Variants in SLIT3 observed in about 807,000 individuals in gnomAD.
SLIT3 encodes slit homolog 3 protein.
SLIT3 carries 68 observed loss-of-function variants against 184.0 expected under a neutral mutation model. That is an observed-to-expected ratio of 0.37 (90% CI 0.30 to 0.45). The LOEUF (loss-of-function observed/expected upper bound fraction) is 0.45, where lower values mean the gene tolerates loss of function less well. Among genes scored for constraint, SLIT3 ranks in the 20% least tolerant of loss-of-function variants. SLIT3 has a pLI of 1.00. For synonymous variants in SLIT3, 831 were observed against 828.6 expected, an observed-to-expected ratio of 1.00 and a Z score of -0.05; for missense variants, 1,707 against 2,026.0, an observed-to-expected ratio of 0.84 and a Z score of 3.02.
intron 4 of SLIT3, among the ~76,000 whole-genome samples, chr5:169,078,086 G>A (rs1758816912): frequency 6.6e-6 from 1 of 152,046 alleles, no homozygotes; most frequent in African/African-American, 2.4e-5. Flanking sequence ...GGGGCCTTGT[G>A]TTCATTTTGC....
chr5:168,769,339 C>T (rs1009156575), intron 14 of SLIT3, among the ~76,000 whole-genome samples: 1 of 152,184 alleles, frequency 6.6e-6, no homozygotes, highest in South Asian at 2.1e-4. Context: ...GAAACTGGAG[C>T]TAAGGCTAAG....
At chr5:168,667,155 C>A (rs1180211060) in intron 35 of SLIT3, among the ~76,000 whole-genome samples, 2 of 152,184 alleles carry the variant, frequency 1.3e-5, no homozygotes, top group Non-Finnish European at 2.9e-5. Context: ...AGCCTGCAAC[C>A]CTGCACTGCA....
At chr5:168,669,313 G>A (rs573527185) in intron 35 of SLIT3, among the ~76,000 whole-genome samples, 4 of 152,204 alleles carry the variant, frequency 2.6e-5, no homozygotes, top group Non-Finnish European at 5.9e-5. Context: ...CTGCCCTGGC[G>A]CAAGGACCCT....
intron 6 of SLIT3, among the ~76,000 whole-genome samples, chr5:168,829,635 C>T (rs1382957446): frequency 6.6e-6 from 1 of 152,204 alleles, no homozygotes; most frequent in African/African-American, 2.4e-5. Flanking sequence ...CTGAGTTGTA[C>T]TTACAAATGT....
At chr5:168,851,776 G>A (rs371720068) in intron 5 of SLIT3, among the ~76,000 whole-genome samples, 1 of 152,158 alleles carries the variant, frequency 6.6e-6, no homozygotes, top group Non-Finnish European at 1.5e-5. Flanking sequence ...TATACCCCAT[G>A]GGGCTGACTC....
intron 4 of SLIT3, among the ~76,000 whole-genome samples, chr5:169,157,322 G>T (rs895791867): frequency 1.3e-5 from 2 of 152,206 alleles, no homozygotes; most frequent in African/African-American, 2.4e-5. Context: ...GCACCCAGCA[G>T]TAAAGAAGCC....
intron 4 of SLIT3, among the ~76,000 whole-genome samples, chr5:168,943,830 T>G (rs1314728570): frequency 6.6e-6 from 1 of 152,192 alleles, no homozygotes; most frequent in Non-Finnish European, 1.5e-5. Flanking sequence ...CTTGAATTAG[T>G]GCTTTGACAG....
At chr5:169,062,640 C>T (rs1292381978) in intron 4 of SLIT3, among the ~76,000 whole-genome samples, 1 of 152,356 alleles carries the variant, frequency 6.6e-6, no homozygotes, top group East Asian at 1.9e-4. Context: ...CTATTTTACA[C>T]TTTGTGGAAA....
chr5:168,986,573 T>C (rs1755138984), intron 4 of SLIT3, among the ~76,000 whole-genome samples: 1 of 152,150 alleles, frequency 6.6e-6, no homozygotes, highest in Admixed American at 6.5e-5. Flanking sequence ...CTCTCTCCTT[T>C]ATCATAACTT....
chr5:169,262,734 TTC>T (rs903553754), intron 1 of SLIT3, among the ~76,000 whole-genome samples: 2 of 119,696 alleles, frequency 1.7e-5, no homozygotes, highest in African/African-American at 5.1e-5. Flanking sequence ...CCTCATTTAA[TTC>T]TTTCTTCTTT....
chr5:169,034,312 A>C (rs1016524391), intron 4 of SLIT3, among the ~76,000 whole-genome samples: 10 of 152,118 alleles, frequency 6.6e-5, no homozygotes, highest in Admixed American at 2.6e-4. Context: ...TCCAAAAAAA[A>C]CCTGTCAAGG....
At chr5:169,261,559 C>T (rs904849921) in intron 1 of SLIT3, among the ~76,000 whole-genome samples, 4 of 152,048 alleles carry the variant, frequency 2.6e-5, no homozygotes, top group East Asian at 1.9e-4. Context: ...ATCCCTCCCT[C>T]CTTTCCTTGC....
chr5:168,722,157 G>A (rs1762962099), intron 23 of SLIT3, 99 bp downstream of exon 23: 2 of 1,050,282 alleles, frequency 1.9e-6, no homozygotes, highest in Admixed American at 1.9e-5. Context: ...TGGGGGTGGA[G>A]TGGGCTTTGG....
At chr5:169,029,821 T>C (rs1228463975) in intron 4 of SLIT3, among the ~76,000 whole-genome samples, 1 of 152,210 alleles carries the variant, frequency 6.6e-6, no homozygotes, top group East Asian at 1.9e-4. Flanking sequence ...ACAATTCCAA[T>C]GGAATCCACT....
chr5:168,907,977 T>TAGAG (rs1306645535), intron 4 of SLIT3, among the ~76,000 whole-genome samples: 36 of 62,236 alleles, frequency 5.8e-4, no homozygotes, highest in African/African-American at 1.6e-3. Context: ...TATATATATA[T>TAGAG]ATAGAGAGAG....
chr5:168,716,198 A>C (rs1261953594), intron 23 of SLIT3, among the ~76,000 whole-genome samples: 1 of 152,070 alleles, frequency 6.6e-6, no homozygotes, highest in Non-Finnish European at 1.5e-5. Context: ...GATAGTCTCG[A>C]TCTCTTGACC....
chr5:168,742,034 C>T (rs1273044914), intron 20 of SLIT3, among the ~76,000 whole-genome samples: 1 of 120,508 alleles, frequency 8.3e-6, no homozygotes, highest in Non-Finnish European at 1.7e-5. Context: ...AGGGGGTTAC[C>T]TAAGTAGGGA....
chr5:169,020,502 G>T (rs1326891392), intron 4 of SLIT3, among the ~76,000 whole-genome samples: 1 of 152,142 alleles, frequency 6.6e-6, no homozygotes, highest in East Asian at 1.9e-4. Context: ...TCATTACTTG[G>T]AAGGAAGCCA....
chr5:169,243,414 CAG>C (rs146765902), intron 3 of SLIT3, among the ~76,000 whole-genome samples: 277 of 152,254 alleles, frequency 1.8e-3, no homozygotes, highest in African/African-American at 6.4e-3. Flanking sequence ...AACGTGTAAA[CAG>C]AGACAACATT....
Sources: gnomAD v4.1 joint callset for allele counts (sites outside exome capture counted in the v4.1 genomes callset) on GRCh38, gnomAD v4.1.1 for gene constraint, MANE v1.5 for transcripts, NCBI Gene and HGNC (gene_info 2026-07-23, HGNC 2026-07-21) for gene names.